The following ZNF664 variants were observed in gnomAD, a reference collection of about 807,000 sequenced individuals.
ZNF664 encodes zinc finger Organ of Corti 1.
In ZNF664, 10 loss-of-function variants were observed where a neutral mutation model predicts 18.2. The observed-to-expected ratio is 0.55, with a 90% CI of 0.34 to 0.93. ZNF664 has a LOEUF of 0.93. Among genes scored for constraint, ZNF664 ranks in the 40% least tolerant of loss-of-function variants. The pLI is 0.02. For synonymous variants in ZNF664, 119 were observed against 104.2 expected (o/e 1.14, Z -0.86); for missense variants, 193 against 319.0 (o/e 0.61, Z 3.01).
At position 123,997,356 on chromosome 12, in the gene ZNF664, TG is replaced by T. The variant is rs1956961963; in HGVS notation, c.-661+9221del. ...GCTGCTGTAACAAAGTACCACAAGC[TG>T]GGAGGCTTAAAACAATAGAAATTTA... is the stretch of plus-strand genomic sequence containing the variant. On this transcript the variant is annotated intron_variant, in intron 3 of 4. Transcript: ENST00000337815. Among the ~76,000 whole-genome samples, 8 of 152,326 alleles carry T rather than the reference TG, an allele frequency of 5.3e-5. No individual in the cohort carries two copies. In the South Asian group the frequency reaches 1.7e-3, roughly 32 times the overall value.
At chr12:123,973,597 G>A (rs1424717382) in intron 1 of ZNF664, 10 of 386,542 alleles carry the variant, frequency 2.6e-5, no homozygotes, top group Non-Finnish European at 2.5e-5. Flanking sequence ...GGCCCGCAGT[G>A]CGGGGGAGCG....
chr12:124,012,995 A>G lies in ZNF664; in HGVS notation c.*65A>G. 6.5e-7 allele frequency: 1 copy of G among 1,534,394 alleles called. No individual in the cohort carries two copies. Among genetic ancestry groups the G allele is most frequent in the Non-Finnish European group, 8.8e-7 (1 of 1,141,468 alleles). On this transcript the variant is annotated 3_prime_UTR_variant, in exon 5 of 5. Transcript: ENST00000337815. ...TGCCACTAGGAAGGAAACCCTGTATATACCTACATTGACCCAAGAAATATT... is the reference window on the plus strand; with the variant it reads ...TGCCACTAGGAAGGAAACCCTGTATGTACCTACATTGACCCAAGAAATATT...
chr12:123,985,085 G>T (rs1271340114), intron 2 of ZNF664, among the ~76,000 whole-genome samples: 1 of 152,036 alleles, frequency 6.6e-6, no homozygotes, highest in Non-Finnish European at 1.5e-5. Flanking sequence ...ATGGTGTGTG[G>T]GAGGTGCACA....
chr12:123,983,406 T>A (rs992261794), intron 2 of ZNF664, among the ~76,000 whole-genome samples: 3 of 152,246 alleles, frequency 2.0e-5, no homozygotes, highest in Admixed American at 6.5e-5. Flanking sequence ...CTTGTGTCAC[T>A]TGATACATTA....
chr12:124,001,917 C>G (rs1424840984), intron 3 of ZNF664, among the ~76,000 whole-genome samples: 2 of 152,238 alleles, frequency 1.3e-5, no homozygotes, highest in East Asian at 3.8e-4. Context: ...TTCATAAATT[C>G]TCTGCAGTTT....
chr12:124,012,270 T>C lies in ZNF664; in HGVS notation c.126T>C (p.His42=), dbSNP rs1957142911. ...KCDKCDKGFF[H]ISELHIHWRD... is the part of the protein sequence containing the mutation. ...ACAAGTGTGATAAGGGTTTCTTTCA[T>C]ATATCAGAACTTCATATTCATTGGA... Residue 42 remains histidine, a synonymous_variant, in exon 5 of 5, where the codon CAT becomes CAC. Coordinates refer to ENST00000337815, the MANE Select transcript of ZNF664 (RefSeq NM_152437.3). The C allele has an allele frequency of 6.2e-7, 1 of 1,614,232 alleles. No individual in the cohort carries two copies. The highest frequency in any genetic ancestry group is 1.1e-5 in the South Asian group (1 of 91,088).
At chr12:124,002,624 T>C (rs1024841516) in intron 3 of ZNF664, among the ~76,000 whole-genome samples, 4 of 151,856 alleles carry the variant, frequency 2.6e-5, no homozygotes, top group African/African-American at 9.7e-5. Context: ...GGAGGTAGAG[T>C]GTGCAGTGAT....
chr12:123,992,703 G>T (rs1405664853), intron 3 of ZNF664, among the ~76,000 whole-genome samples: 1 of 152,176 alleles, frequency 6.6e-6, no homozygotes, highest in African/African-American at 2.4e-5. Flanking sequence ...CTTTTGAGGA[G>T]CCCACTTTTA....
At chr12:123,989,038 G>T (rs985558909) in intron 3 of ZNF664, among the ~76,000 whole-genome samples, 2 of 152,312 alleles carry the variant, frequency 1.3e-5, no homozygotes, top group African/African-American at 4.8e-5. Flanking sequence ...GGTTTCTCAG[G>T]CCCTGGGCTT....
intron 3 of ZNF664, among the ~76,000 whole-genome samples, chr12:124,007,632 G>A (rs544344490): frequency 4.6e-5 from 7 of 152,262 alleles, no homozygotes; most frequent in South Asian, 2.1e-4. Flanking sequence ...CCCTCTATGC[G>A]GTGGTCCTGG....
chr12:123,973,604 A>AGCGGGGCCGGGGGGC (rs1956629056), intron 1 of ZNF664: 1 of 380,134 alleles, frequency 2.6e-6, no homozygotes, highest in African/African-American at 2.3e-5. Context: ...AGTGCGGGGG[A>AGCGGGGCCGGGGGGC]GCGGGGCCGG....
At chr12:123,997,626 C>A (rs1438948570) in intron 3 of ZNF664, 1 of 152,168 alleles carries the variant, frequency 6.6e-6, no homozygotes, top group Non-Finnish European at 1.5e-5. Flanking sequence ...GGATAGCAGG[C>A]ATTGGATTTA....
chr12:123,979,338 T>C (rs1307704530), intron 2 of ZNF664, among the ~76,000 whole-genome samples: 1 of 152,206 alleles, frequency 6.6e-6, no homozygotes, highest in Non-Finnish European at 1.5e-5. Flanking sequence ...ATTAAGAGAA[T>C]GGAAATTTAA....
chr12:123,994,633 A>G (rs1179105000), intron 3 of ZNF664, among the ~76,000 whole-genome samples: 1 of 152,204 alleles, frequency 6.6e-6, no homozygotes. Flanking sequence ...TGGAAAAGGG[A>G]TTTTAGTAGC....
chr12:124,002,693 G>GGT (rs1224137457), intron 3 of ZNF664, among the ~76,000 whole-genome samples: 2 of 152,098 alleles, frequency 1.3e-5, no homozygotes, highest in African/African-American at 4.8e-5. Context: ...GATGGATGTT[G>GGT]GTGTGCTTGA....
At chr12:123,985,917 A>G (rs1315283897) in intron 2 of ZNF664, among the ~76,000 whole-genome samples, 2 of 152,244 alleles carry the variant, frequency 1.3e-5, no homozygotes, top group Non-Finnish European at 2.9e-5. Flanking sequence ...GGCTATAGAC[A>G]TTTAACATTT....
chr12:123,990,278 A>C (rs1439745793), intron 3 of ZNF664, among the ~76,000 whole-genome samples: 2 of 152,188 alleles, frequency 1.3e-5, no homozygotes, highest in East Asian at 3.8e-4. Flanking sequence ...ATTTTATGTT[A>C]TGTGTTTTTT....
At chr12:123,988,281 T>A in intron 3 of ZNF664, 143 bp downstream of exon 3, 2 of 637,908 alleles carry the variant, frequency 3.1e-6, no homozygotes, top group Non-Finnish European at 4.5e-6. Context: ...ACGCTCTTCC[T>A]GACCTCTCGC....
chr12:123,987,882 C>A, intron 2 of ZNF664, 161 bp from the exon 3 acceptor site: 1 of 887,302 alleles, frequency 1.1e-6, no homozygotes, highest in Non-Finnish European at 1.4e-6. Context: ...ACCTCCATGC[C>A]TTGAATCCCA....
Sources: gnomAD v4.1 joint callset for allele counts (sites outside exome capture counted in the v4.1 genomes callset) on GRCh38, gnomAD v4.1.1 for gene constraint, MANE v1.5 for transcripts, NCBI Gene and HGNC (gene_info 2026-07-23, HGNC 2026-07-21) for gene names.